ALDH1A2: variants seen among roughly 807,000 people sequenced by gnomAD.
The protein encoded by ALDH1A2 is aldehyde dehydrogenase 1 family member A2, also known as retinal dehydrogenase 2.
A neutral mutation model predicts 60.3 loss-of-function variants in ALDH1A2; 27 were observed. The ratio of observed to expected loss-of-function variants is 0.45; its 90% CI spans 0.33 to 0.62. The LOEUF is 0.62. Ranked by LOEUF, ALDH1A2 falls within the 20% of genes least tolerant of loss-of-function variation. The probability of loss-of-function intolerance (pLI) is 0.02; values close to 1 mark genes in which losing one functional copy is unlikely to be tolerated. For synonymous variants in ALDH1A2, 289 were observed against 232.4 expected (o/e 1.24, Z -2.21); for missense variants, 581 against 643.8 (o/e 0.90, Z 1.06).
Position 57,955,094 on chromosome 15 carries a change from T to G in ALDH1A2, c.*103A>C. 1 of 1,235,504 alleles carries G rather than the reference T, an allele frequency of 8.1e-7. No individual in the cohort carries two copies. Among genetic ancestry groups the G allele is most frequent in the Non-Finnish European group, 1.2e-6 (1 of 834,668 alleles). The allele number at this position is 1,235,504 out of a possible 1,614,324, so 76.5% of individuals were successfully genotyped here. ...ACATGTTATCTTTTCAATCTTTAAG[T>G]AAGGACCGTGGCTCAACTTTGTATT... On this transcript the variant is annotated 3_prime_UTR_variant, in exon 13 of 13. Transcript: ENST00000249750.
intron 10 of ALDH1A2, among the ~76,000 whole-genome samples, chr15:57,961,698 C>T (rs925123807): frequency 1.2e-4 from 18 of 152,136 alleles, no homozygotes; most frequent in African/African-American, 4.1e-4. Flanking sequence ...TGGTTAACAT[C>T]CCAGTGACCC....
chr15:58,057,359 A>G (rs118146955), intron 1 of ALDH1A2, among the ~76,000 whole-genome samples: 2,141 of 152,244 alleles, frequency 0.014, 27 homozygotes, highest in African/African-American at 0.033. Flanking sequence ...TTTATATAAA[A>G]GATGTTACCA....
At chr15:57,995,199 G>T in intron 4 of ALDH1A2, 60 bp from the exon 5 acceptor site, 1 of 913,064 alleles carries the variant, frequency 1.1e-6, no homozygotes. Flanking sequence ...AAATGCAAAG[G>T]GAGAACTTTG....
chr15:57,998,738 G>A (rs1257609720), intron 4 of ALDH1A2, among the ~76,000 whole-genome samples: 2 of 151,996 alleles, frequency 1.3e-5, no homozygotes, highest in Non-Finnish European at 2.9e-5. Flanking sequence ...AGCCCATATA[G>A]CCAAGACAAT....
intron 1 of ALDH1A2, among the ~76,000 whole-genome samples, chr15:58,038,231 TG>T (rs773634312): frequency 9.9e-5 from 15 of 151,754 alleles, no homozygotes; most frequent in Non-Finnish European, 1.9e-4. Context: ...CTTAAATTTC[TG>T]TATTTTCTTT....
chr15:58,060,553 A>G (rs1413591668), intron 1 of ALDH1A2, among the ~76,000 whole-genome samples: 1 of 135,282 alleles, frequency 7.4e-6, no homozygotes, highest in Non-Finnish European at 1.5e-5. Context: ...GTAACTGTCC[A>G]TGTAGCTGAT....
chr15:58,045,622 A>G (rs1401445943), intron 1 of ALDH1A2, among the ~76,000 whole-genome samples: 1 of 151,972 alleles, frequency 6.6e-6, no homozygotes, highest in Non-Finnish European at 1.5e-5. Flanking sequence ...GAAACCATCA[A>G]TCTCAGCAAA....
chr15:57,960,258 T>C (rs1004237115), intron 12 of ALDH1A2, among the ~76,000 whole-genome samples: 1 of 152,198 alleles, frequency 6.6e-6, no homozygotes, highest in Non-Finnish European at 1.5e-5. Flanking sequence ...TGCTCAATAT[T>C]TGTTAGATTG....
intron 5 of ALDH1A2, 122 bp from the exon 6 acceptor site, chr15:57,993,195 T>A: frequency 8.4e-7 from 1 of 1,184,846 alleles, no homozygotes; most frequent in African/African-American, 1.5e-5. Flanking sequence ...CACTACAAAG[T>A]ACAGATGTTT....
intron 7 of ALDH1A2, among the ~76,000 whole-genome samples, chr15:57,970,532 C>A (rs1048407537): frequency 1.3e-5 from 2 of 152,056 alleles, no homozygotes; most frequent in Non-Finnish European, 2.9e-5. Context: ...TGGGGCTTTG[C>A]AAGAAAAATA....
At chr15:57,963,192 T>C (rs1404518858) in intron 9 of ALDH1A2, among the ~76,000 whole-genome samples, 1 of 152,116 alleles carries the variant, frequency 6.6e-6, no homozygotes, top group African/African-American at 2.4e-5. Context: ...AAGAAAGATA[T>C]CTACCCTCCT....
At chr15:57,977,960 T>C (rs974411841) in intron 7 of ALDH1A2, among the ~76,000 whole-genome samples, 1 of 152,244 alleles carries the variant, frequency 6.6e-6, no homozygotes, top group East Asian at 1.9e-4. Context: ...TTTATAGTCA[T>C]TGTGAATGGG....
chr15:58,033,689 T>G (rs1347954893), intron 1 of ALDH1A2, among the ~76,000 whole-genome samples: 1 of 151,596 alleles, frequency 6.6e-6, no homozygotes, highest in Admixed American at 6.6e-5. Flanking sequence ...ACTCTTTTTT[T>G]TTTTTTTTTT....
intron 7 of ALDH1A2, among the ~76,000 whole-genome samples, chr15:57,975,495 C>T (rs1894217524): frequency 6.6e-6 from 1 of 152,254 alleles, no homozygotes; most frequent in East Asian, 1.9e-4. Flanking sequence ...TTGAGCACCC[C>T]GATCTGGAAA....
At chr15:57,993,245 C>T (rs1175989228) in intron 5 of ALDH1A2, among the ~76,000 whole-genome samples, 172 bp from the exon 6 acceptor site, 8 of 152,158 alleles carry the variant, frequency 5.3e-5, no homozygotes, top group Admixed American at 2.0e-4. Context: ...ATAGCACTGA[C>T]CTTGGAAATC....
At chr15:57,960,964 G>A (rs1893697740) in intron 11 of ALDH1A2, 120 bp from the exon 12 acceptor site, 1 of 1,336,908 alleles carries the variant, frequency 7.5e-7, no homozygotes, top group Non-Finnish European at 1.0e-6. Context: ...GGAAAAAATT[G>A]TAATTTAAAA....
chr15:58,029,462 C>T (rs1458614590), intron 1 of ALDH1A2, among the ~76,000 whole-genome samples: 1 of 151,860 alleles, frequency 6.6e-6, no homozygotes, highest in Non-Finnish European at 1.5e-5. Context: ...AAACTCAACC[C>T]CCTAACATCA....
chr15:58,002,974 A>G (rs1895324282), intron 4 of ALDH1A2, among the ~76,000 whole-genome samples: 1 of 151,900 alleles, frequency 6.6e-6, no homozygotes, highest in Non-Finnish European at 1.5e-5. Context: ...CTGAAACTGT[A>G]TGTTAGTATG....
chr15:57,982,166 T>C (rs1358469726), intron 7 of ALDH1A2, among the ~76,000 whole-genome samples: 1 of 152,202 alleles, frequency 6.6e-6, no homozygotes, highest in African/African-American at 2.4e-5. Context: ...ACACTCTTTC[T>C]GGGGAACACA....
Sources: gnomAD v4.1 joint callset for allele counts (sites outside exome capture counted in the v4.1 genomes callset) on GRCh38, gnomAD v4.1.1 for gene constraint, MANE v1.5 for transcripts, NCBI Gene and HGNC (gene_info 2026-07-23, HGNC 2026-07-21) for gene names.